The following CSMD1 variants were observed in gnomAD, a reference collection of about 807,000 sequenced individuals.
The protein encoded by CSMD1 is CUB and sushi domain-containing protein 1.
In CSMD1, 213 loss-of-function variants were observed where a neutral mutation model predicts 417.5. The ratio of observed to expected loss-of-function variants is 0.51; its 90% confidence interval spans 0.46 to 0.57. CSMD1 has a LOEUF of 0.57. Ranked by LOEUF, CSMD1 falls within the 20% of genes least tolerant of loss-of-function variation. The pLI is 0.00. For synonymous variants in CSMD1, 2,862 were observed against 1,736.8 expected, an observed-to-expected ratio of 1.65 and a Z score of -16.11; for missense variants, 6,923 against 4,529.7, an observed-to-expected ratio of 1.53 and a Z score of -15.17.
chr8:3,946,699 C>T (rs1436188254), intron 5 of CSMD1, among the ~76,000 whole-genome samples: 1 of 152,000 alleles, frequency 6.6e-6, no homozygotes, highest in Non-Finnish European at 1.5e-5. Context: ...AGTGTATCTC[C>T]CCTTTTCATT....
At chr8:4,503,010 A>T (rs1011097132) in intron 2 of CSMD1, among the ~76,000 whole-genome samples, 3 of 152,216 alleles carry the variant, frequency 2.0e-5, no homozygotes, top group African/African-American at 4.8e-5. Context: ...GAAATAAAAA[A>T]AGCTATCATA....
chr8:3,896,466 T>G (rs960191837), intron 5 of CSMD1, among the ~76,000 whole-genome samples: 2 of 152,212 alleles, frequency 1.3e-5, no homozygotes, highest in Non-Finnish European at 2.9e-5. Context: ...GAAAGTAAAT[T>G]CAATAAAAGG....
chr8:3,281,110 C>A (rs1017989817), intron 26 of CSMD1, among the ~76,000 whole-genome samples: 1 of 152,054 alleles, frequency 6.6e-6, no homozygotes, highest in African/African-American at 2.4e-5. Context: ...GGCATAATTG[C>A]CAAAATTTTG....
intron 3 of CSMD1, among the ~76,000 whole-genome samples, chr8:4,161,322 G>A (rs547508088): frequency 5.9e-5 from 9 of 152,206 alleles, no homozygotes; most frequent in African/African-American, 2.2e-4. Context: ...GTAAGTGACA[G>A]AATTAGGGCT....
At chr8:3,634,682 G>A (rs1357410950) in intron 7 of CSMD1, among the ~76,000 whole-genome samples, 1 of 152,090 alleles carries the variant, frequency 6.6e-6, no homozygotes, top group Non-Finnish European at 1.5e-5. Context: ...TCCAACAAAT[G>A]AAATGAAAGG....
chr8:4,543,977 A>C (rs534034389), intron 2 of CSMD1, among the ~76,000 whole-genome samples: 1 of 152,170 alleles, frequency 6.6e-6, no homozygotes, highest in Non-Finnish European at 1.5e-5. Flanking sequence ...TATTAGGTTC[A>C]TTGTTTTCTA....
chr8:3,859,939 T>C (rs1585101937), intron 5 of CSMD1, among the ~76,000 whole-genome samples: 2 of 152,158 alleles, frequency 1.3e-5, no homozygotes, highest in East Asian at 1.9e-4. Context: ...GTAATAGCTT[T>C]TCATGAATTC....
intron 1 of CSMD1, among the ~76,000 whole-genome samples, chr8:4,939,888 C>T (rs1807869165): frequency 6.6e-6 from 1 of 151,768 alleles, no homozygotes; most frequent in South Asian, 2.1e-4. Flanking sequence ...ATACCTATTT[C>T]TATCAGGTTG....
rs143313798 is a variant in CSMD1, at chr8:3,604,495, C to T, written c.1097+12215G>A. On this transcript the variant is annotated intron_variant, in intron 8 of 69. Coordinates refer to ENST00000635120, the MANE Select transcript of CSMD1 (RefSeq NM_033225.6). ...ACGAGAAGGATCATAGAAATGAAGA[C>T]GTGCTAAAGAGGAGAGCCAATACCA... Among the ~76,000 whole-genome samples, 3 of 152,016 alleles carry T rather than the reference C, an allele frequency of 2.0e-5. No individual in the cohort carries two copies. The East Asian group carries it at 5.8e-4, about 29-fold the overall frequency.
intron 10 of CSMD1, among the ~76,000 whole-genome samples, chr8:3,513,387 G>A (rs1306352722): frequency 1.3e-5 from 2 of 150,014 alleles, no homozygotes; most frequent in Non-Finnish European, 3.0e-5. Context: ...CCAGGCTGGT[G>A]TGGAGTGGTG....
intron 3 of CSMD1, among the ~76,000 whole-genome samples, chr8:4,379,508 G>A (rs2128917797): frequency 6.6e-6 from 1 of 152,304 alleles, no homozygotes; most frequent in African/African-American, 2.4e-5. Flanking sequence ...TGTTAGCACT[G>A]GAAGGCAAGT....
chr8:4,144,952 A>C (rs1804020719), intron 3 of CSMD1, among the ~76,000 whole-genome samples: 1 of 151,072 alleles, frequency 6.6e-6, no homozygotes, highest in Non-Finnish European at 1.5e-5. Context: ...ATCATTTCTA[A>C]CTTGAAAACA....
chr8:3,223,314 T>A (rs760939606), intron 28 of CSMD1, among the ~76,000 whole-genome samples: 1 of 152,178 alleles, frequency 6.6e-6, no homozygotes, highest in African/African-American at 2.4e-5. Flanking sequence ...CTTAATTTTA[T>A]AATGATATTA....
chr8:4,030,469 G>C (rs539375433), intron 4 of CSMD1, among the ~76,000 whole-genome samples: 161 of 152,324 alleles, frequency 1.1e-3, no homozygotes, highest in African/African-American at 3.8e-3. Flanking sequence ...TGAGCTTTAT[G>C]TTGCCCCTTT....
intron 3 of CSMD1, among the ~76,000 whole-genome samples, chr8:4,320,991 C>T (rs974482103): frequency 6.6e-6 from 1 of 152,130 alleles, no homozygotes; most frequent in Admixed American, 6.6e-5. Context: ...CCTCCTTATA[C>T]CAGTTTCTCT....
chr8:4,539,086 T>C (rs540989362), intron 2 of CSMD1, among the ~76,000 whole-genome samples: 110 of 152,354 alleles, frequency 7.2e-4, no homozygotes, highest in African/African-American at 2.5e-3. Context: ...TTTTTCTTTT[T>C]AGAAATGTTA....
chr8:3,394,367 T>G (rs1811558430), intron 17 of CSMD1, among the ~76,000 whole-genome samples: 1 of 151,226 alleles, frequency 6.6e-6, no homozygotes, highest in Admixed American at 6.6e-5. Context: ...TTTCCTGATT[T>G]TCCAGAAAGA....
intron 23 of CSMD1, among the ~76,000 whole-genome samples, chr8:3,317,106 C>G (rs1188374647): frequency 6.6e-6 from 1 of 151,910 alleles, no homozygotes; most frequent in Non-Finnish European, 1.5e-5. Context: ...AGAGAGGACA[C>G]CAGAGAAAAA....
At chr8:3,293,462 C>G (rs143409546) in intron 25 of CSMD1, among the ~76,000 whole-genome samples, 2 of 152,318 alleles carry the variant, frequency 1.3e-5, no homozygotes, top group East Asian at 1.9e-4. Flanking sequence ...TTTAGGTACA[C>G]CAATCAGACG....
Sources: allele counts gnomAD v4.1 joint callset (sites outside exome capture counted in the v4.1 genomes callset), GRCh38; gene constraint gnomAD v4.1.1; transcripts MANE v1.5; gene names NCBI Gene and HGNC (gene_info 2026-07-23, HGNC 2026-07-21).